The following LRP5 variants were observed in gnomAD, a reference collection of about 807,000 sequenced individuals.
LRP5 encodes the protein LDL receptor related protein 5.
LRP5 carries 62 observed loss-of-function variants against 154.1 expected under a neutral mutation model. That is an observed-to-expected ratio of 0.40 (90% CI 0.33 to 0.50). The LOEUF (loss-of-function observed/expected upper bound fraction) is 0.50, where lower values mean the gene tolerates loss of function less well. Among genes scored for constraint, LRP5 ranks in the 20% least tolerant of loss-of-function variants. The pLI, the probability that LRP5 is intolerant of heterozygous loss-of-function variation, is 0.55. For synonymous variants in LRP5, 966 were observed against 1,011.5 expected (o/e 0.96, Z 0.85); for missense variants, 1,915 against 2,336.7 (o/e 0.82, Z 3.72).
the LRP5 span, among the ~76,000 whole-genome samples, chr11:68,305,738 C>T: frequency 8.0e-3 from 1,217 of 152,230 alleles, 11 homozygotes; most frequent in South Asian, 0.024. Flanking sequence ...CCACCATGCC[C>T]GGCCTCAGGT....
At chr11:68,373,395 G>T (rs1384675774) in intron 5 of LRP5, among the ~76,000 whole-genome samples, 1 of 152,076 alleles carries the variant, frequency 6.6e-6, no homozygotes, top group African/African-American at 2.4e-5. Flanking sequence ...GTGGCGGGGG[G>T]GGCCCCGCAC....
In LRP5 at chr11:68,363,852, C is replaced by G. The variant is rs1223384156; in HGVS notation, c.792C>G (p.Asn264Lys). 2 of 1,613,134 alleles carry G rather than the reference C, an allele frequency of 1.2e-6. No homozygotes were observed. Among genetic ancestry groups the G allele is most frequent in the African/African-American group, 2.7e-5 (2 of 74,756 alleles). The change falls in exon 4 of 23, where the codon AAC (asparagine) becomes AAG (lysine). Residue 264 changes from asparagine (N) to lysine (K), a missense_variant. By Grantham distance (94) the Asn-to-Lys change is moderately conservative. This residue lies in a region of LRP5 where 773 missense variants were observed against 1,100.9 expected (regional missense o/e 0.70). Transcript: ENST00000294304. Reference protein sequence around the residue: ...DWQTRSIHACNKRTGGKRKEI... With the variant: ...DWQTRSIHACKKRTGGKRKEI... ...AGACCCGCTCCATCCATGCCTGCAA[C>G]AAGCGCACTGGGGGGAAGAGGAAGG...
chr11:68,322,962 A>G (rs982526330), intron 1 of LRP5, among the ~76,000 whole-genome samples: 3 of 152,046 alleles, frequency 2.0e-5, no homozygotes, highest in African/African-American at 7.2e-5. Context: ...AGACTCCGTG[A>G]GATGCCACGG....
At chr11:68,408,242 A>ATTTT (rs11299690) in intron 9 of LRP5, among the ~76,000 whole-genome samples, 34 of 52,134 alleles carry the variant, frequency 6.5e-4, no homozygotes, top group Admixed American at 1.2e-3. Flanking sequence ...CTCCTGGCTG[A>ATTTT]TTTTTTTTTT....
the LRP5 span, among the ~76,000 whole-genome samples, chr11:68,303,938 C>T: frequency 7.9e-5 from 12 of 152,304 alleles, no homozygotes; most frequent in African/African-American, 2.6e-4. Flanking sequence ...AAATTTGCAG[C>T]CTGGCCATGT....
At chr11:68,349,482 C>T (rs1324488696) in intron 2 of LRP5, among the ~76,000 whole-genome samples, 1 of 152,206 alleles carries the variant, frequency 6.6e-6, no homozygotes, top group Non-Finnish European at 1.5e-5. Flanking sequence ...GCACCTTCTC[C>T]TGGCTTTCTA....
At chr11:68,396,384 G>T (rs1009535139) in intron 7 of LRP5, among the ~76,000 whole-genome samples, 1 of 152,184 alleles carries the variant, frequency 6.6e-6, no homozygotes, top group Non-Finnish European at 1.5e-5. Flanking sequence ...CCACGTGGTG[G>T]TGTGCGCAGC....
At chr11:68,406,150 G>A (rs1406508016) in intron 8 of LRP5, among the ~76,000 whole-genome samples, 7 of 152,340 alleles carry the variant, frequency 4.6e-5, no homozygotes, top group East Asian at 1.9e-4. Flanking sequence ...AGTGCCTGGC[G>A]CCTGACAAGG....
intron 10 of LRP5, among the ~76,000 whole-genome samples, chr11:68,411,078 T>C (rs1200774008): frequency 6.6e-6 from 1 of 152,158 alleles, no homozygotes; most frequent in African/African-American, 2.4e-5. Context: ...TTTTGTGATG[T>C]GCTTGTGTCC....
chr11:68,363,799 G>T lies in LRP5; in HGVS notation c.739G>T (p.Gly247Trp). Residue 247 changes from glycine (G) to tryptophan (W), a missense_variant, in exon 4 of 23, where the codon GGG (glycine) becomes TGG (tryptophan). Gly to Trp is a radical substitution (Grantham distance 184, BLOSUM62 -2). Around this residue, in one of 3 missense-constraint regions of LRP5, gnomAD observed 773 missense variants for 1,100.9 expected, o/e 0.70. Coordinates refer to ENST00000294304, the MANE Select transcript of LRP5 (RefSeq NM_002335.4). ...GCACCCCTTCGCCCTGACGCTCTCC[G>T]GGGACACTCTGTACTGGACAGACTG... ...LTHPFALTLSGDTLYWTDWQT... is the reference protein window; with the variant it reads ...LTHPFALTLSWDTLYWTDWQT... 1.9e-6 allele frequency: 3 copies of T among 1,613,052 alleles called. No homozygotes were observed. Among genetic ancestry groups the T allele is most frequent in the Non-Finnish European group, 2.5e-6 (3 of 1,179,872 alleles).
chr11:68,369,069 C>T (rs1469155077), intron 5 of LRP5, among the ~76,000 whole-genome samples: 1 of 152,188 alleles, frequency 6.6e-6, no homozygotes, highest in African/African-American at 2.4e-5. Flanking sequence ...AACTCCTAAC[C>T]TCAGGTGATC....
chr11:68,399,061 G>A (rs2098651175), intron 7 of LRP5, among the ~76,000 whole-genome samples: 2 of 152,110 alleles, frequency 1.3e-5, no homozygotes, highest in African/African-American at 2.4e-5. Flanking sequence ...GTGTGGTAGT[G>A]TGTGCCTCTA....
At chr11:68,405,089 T>C (rs1234476578) in intron 8 of LRP5, among the ~76,000 whole-genome samples, 1 of 146,364 alleles carries the variant, frequency 6.8e-6, no homozygotes, top group Admixed American at 6.9e-5. Context: ...ACCCAGGAGG[T>C]AGAGGTTGTA....
chr11:68,389,840 A>C (rs1275248055), intron 6 of LRP5, 41 bp from the exon 7 acceptor site: 2 of 1,612,310 alleles, frequency 1.2e-6, no homozygotes, highest in Non-Finnish European at 1.7e-6. Flanking sequence ...TGCAGAGACC[A>C]GACAGACTCA....
At chr11:68,338,451 C>G (rs1481242662) in intron 1 of LRP5, among the ~76,000 whole-genome samples, 1 of 152,188 alleles carries the variant, frequency 6.6e-6, no homozygotes, top group African/African-American at 2.4e-5. Flanking sequence ...TTTCAAACTC[C>G]TGATTCTGCT....
At chr11:68,365,459 C>A (rs927340734) in intron 4 of LRP5, 112 bp from the exon 5 acceptor site, 7 of 1,506,978 alleles carry the variant, frequency 4.6e-6, no homozygotes, top group African/African-American at 1.4e-5. Flanking sequence ...GATGTTTGGG[C>A]AGAGGGACAC....
rs1565103558 is a variant in LRP5 at position 68,426,012 on chromosome 11, C to A, written c.3462C>A (p.Ile1154=). The change falls in exon 16 of 23, where the codon ATC becomes ATA. Residue 1154 remains isoleucine (I), a synonymous_variant. Coordinates refer to ENST00000294304, the MANE Select transcript of LRP5 (RefSeq NM_002335.4). ...GCCTGACCCTGGAGGACGCCAACAT[C>A]GTGCAGCCTCTGGGCCTGACCATCC... The part of the protein sequence containing the change: ...ANRLTLEDAN[I]VQPLGLTILG... The A allele has an allele frequency of 6.2e-7, 1 of 1,613,028 alleles. No homozygotes were observed. The highest frequency in any genetic ancestry group is 8.5e-7 in the Non-Finnish European group (1 of 1,180,032).
intron 21 of LRP5, chr11:68,445,659 G>A: frequency 7.6e-7 from 1 of 1,318,974 alleles, no homozygotes; most frequent in Non-Finnish European, 9.9e-7. Flanking sequence ...ATGTTGGGTT[G>A]GGGTGCCGTC....
chr11:68,396,504 G>T (rs1046259877), intron 7 of LRP5, among the ~76,000 whole-genome samples: 3 of 152,196 alleles, frequency 2.0e-5, no homozygotes, highest in Admixed American at 6.5e-5. Context: ...GTGCATGAGA[G>T]GACTTCACGG....
Sources: allele counts gnomAD v4.1 joint callset (sites outside exome capture counted in the v4.1 genomes callset), GRCh38; gene constraint gnomAD v4.1.1; regional missense constraint gnomAD v4.1.1; transcripts MANE v1.5; gene names NCBI Gene and HGNC (gene_info 2026-07-23, HGNC 2026-07-21).